Variants in ZNF248 observed in about 807,000 individuals in gnomAD.
ZNF248 encodes KRAB protein domain.
In ZNF248, 20 loss-of-function variants were observed where a neutral mutation model predicts 44.3. The ratio of observed to expected loss-of-function variants is 0.45; its 90% CI spans 0.32 to 0.66. The LOEUF is 0.66. Ranked by LOEUF, ZNF248 falls within the 30% of genes least tolerant of loss-of-function variation. ZNF248 has a pLI of 0.04. For synonymous variants in ZNF248, 224 were observed against 229.0 expected, an observed-to-expected ratio of 0.98 and a Z score of 0.20; for missense variants, 654 against 677.0, an observed-to-expected ratio of 0.97 and a Z score of 0.38.
chr10:37,806,138 T>C (rs2050522913), intron 6 of ZNF248, among the ~76,000 whole-genome samples: 1 of 152,244 alleles, frequency 6.6e-6, no homozygotes, highest in South Asian at 2.1e-4. Flanking sequence ...CTTTCACTTT[T>C]TGGCTTTTGT....
chr10:37,793,411 A>G (rs973445668), intron 6 of ZNF248, among the ~76,000 whole-genome samples: 3 of 152,200 alleles, frequency 2.0e-5, no homozygotes, highest in East Asian at 1.9e-4. Flanking sequence ...ATAACAATAA[A>G]CACAGATTCT....
chr10:37,765,122 T>C, the ZNF248 span, among the ~76,000 whole-genome samples: 4 of 133,890 alleles, frequency 3.0e-5, no homozygotes, highest in Non-Finnish European at 5.3e-5. Flanking sequence ...GCCCAGCTAA[T>C]TTTTTTTTAT....
At chr10:37,834,758 A>G (rs2056746668) in intron 5 of ZNF248, among the ~76,000 whole-genome samples, 1 of 152,230 alleles carries the variant, frequency 6.6e-6, no homozygotes, top group South Asian at 2.1e-4. Flanking sequence ...TTCAATTTCT[A>G]AACACTTTAC....
intron 6 of ZNF248, among the ~76,000 whole-genome samples, chr10:37,823,533 T>C (rs1467855963): frequency 2.0e-5 from 3 of 152,012 alleles, no homozygotes; most frequent in Admixed American, 1.3e-4. Context: ...TTTGTGAAGA[T>C]ACAGACTAAA....
intron 3 of ZNF248, among the ~76,000 whole-genome samples, chr10:37,847,492 A>C (rs1148288): frequency 0.06 from 9,118 of 152,304 alleles, 353 homozygotes; most frequent in Middle Eastern, 0.095. Flanking sequence ...AAATGTCCTT[A>C]TGCTGAAGAA....
Position 37,829,248 on chromosome 10 carries a change from T to C in ZNF248, c.*2367A>G. On this transcript the variant is annotated 3_prime_UTR_variant, in exon 6 of 6. Transcript: ENST00000395867. ...CTTACTGGGCTCTGGTAACACTGTT[T>C]CCCTCCTTGCCCTTCAAGGCTCAGA... 1 of 985,438 alleles carries C rather than the reference T, an allele frequency of 1.0e-6. No homozygotes were observed. Among genetic ancestry groups the C allele is most frequent in the Non-Finnish European group, 1.2e-6 (1 of 829,950 alleles). 61.0% of individuals were successfully genotyped at this position (985,438 alleles called of 1,614,324 possible).
chr10:37,771,765 A>AC (rs1296891775), downstream of ZNF248, among the ~76,000 whole-genome samples: 1 of 151,940 alleles, frequency 6.6e-6, no homozygotes, highest in Non-Finnish European at 1.5e-5. Flanking sequence ...CCTAAAACTT[A>AC]AAGTATAATA....
At chr10:37,794,943 T>C (rs2048975132) in intron 6 of ZNF248, 1 of 153,336 alleles carries the variant, frequency 6.5e-6, no homozygotes, top group Admixed American at 6.5e-5. Flanking sequence ...TGTGATGTTT[T>C]GTGAGATAAG....
At chr10:37,856,386 C>A (rs1171395042) in intron 2 of ZNF248, 49 bp from the exon 3 acceptor site, 5 of 1,605,062 alleles carry the variant, frequency 3.1e-6, no homozygotes, top group Non-Finnish European at 4.2e-6. Context: ...GCCGGCCTTG[C>A]AGTTCGGAGA....
At chr10:37,834,770 A>C (rs780521273) in intron 5 of ZNF248, among the ~76,000 whole-genome samples, 16 of 152,334 alleles carry the variant, frequency 1.1e-4, no homozygotes, top group South Asian at 8.3e-4. Flanking sequence ...ACACTTTACA[A>C]ACACAGTATG....
the ZNF248 span, among the ~76,000 whole-genome samples, chr10:37,759,427 A>C: frequency 6.6e-6 from 1 of 152,198 alleles, no homozygotes; most frequent in Non-Finnish European, 1.5e-5. Context: ...GCTAAGTTAC[A>C]TCTGCTTATG....
intron 6 of ZNF248, chr10:37,821,124 T>C (rs1355664689): frequency 7.6e-6 from 4 of 526,288 alleles, no homozygotes; most frequent in African/African-American, 1.9e-5. Flanking sequence ...TCATGGTAAC[T>C]TTTTATATTT....
intron 6 of ZNF248, among the ~76,000 whole-genome samples, chr10:37,809,670 T>C (rs1334348539): frequency 6.6e-6 from 1 of 152,170 alleles, no homozygotes; most frequent in Non-Finnish European, 1.5e-5. Context: ...CCTATAGCTA[T>C]AAATATCCCC....
Position 37,832,827 on chromosome 10 carries a change from A to G in ZNF248, c.528T>C (p.Leu176=). 2.5e-6 allele frequency: 4 copies of G among 1,613,896 alleles called. No individual in the cohort carries two copies. Among genetic ancestry groups the G allele is most frequent in the Non-Finnish European group, 3.4e-6 (4 of 1,179,876 alleles). Residue 176 remains leucine (L), a synonymous_variant, in exon 6 of 6, where the codon CTT becomes CTC. Coordinates refer to ENST00000395867, the MANE Select transcript of ZNF248 (RefSeq NM_021045.3). ...DEFNVCEKLL[L]DIRHEKIPIG... is the part of the protein sequence containing the mutation. Reference sequence around the variant, plus strand: ...TAGGGATTTTCTCATGCCTAATATCAAGGAGCAATTTCTCACATACATTAA... The same window carrying G: ...TAGGGATTTTCTCATGCCTAATATCGAGGAGCAATTTCTCACATACATTAA...
At chr10:37,823,199 T>C (rs998118914) in intron 6 of ZNF248, among the ~76,000 whole-genome samples, 1 of 151,536 alleles carries the variant, frequency 6.6e-6, no homozygotes, top group African/African-American at 2.4e-5. Context: ...CTGGTCATGG[T>C]GGCACGTGCC....
chr10:37,857,808 A>C (rs2061568751), upstream of ZNF248: 1 of 152,422 alleles, frequency 6.6e-6, no homozygotes, highest in African/African-American at 2.4e-5. Flanking sequence ...CAGGGACTGG[A>C]CGCATACGGA....
chr10:37,801,415 G>T (rs868716698), intron 6 of ZNF248, among the ~76,000 whole-genome samples: 1 of 150,872 alleles, frequency 6.6e-6, no homozygotes, highest in African/African-American at 2.4e-5. Flanking sequence ...AGAACTTTAA[G>T]ATTTTAAAAA....
rs935249776 is a variant in ZNF248 at position 37,832,186 on chromosome 10, CAGA to C, written c.1166_1168del (p.Phe389del). On this transcript the variant is annotated inframe_deletion, in exon 6 of 6. Transcript: ENST00000395867. ...ATGTTGAGTGAGGTTTGACTTCTCCCAGAAGGTTTTCCCACATTCACCACATTC... is the reference window on the plus strand; with the variant it reads ...ATGTTGAGTGAGGTTTGACTTCTCCCAGGTTTTCCCACATTCACCACATTC... The C allele has an allele frequency of 2.5e-6, 4 of 1,614,078 alleles. No individual in the cohort carries two copies. Among genetic ancestry groups the C allele is most frequent in the South Asian group, 1.1e-5 (1 of 91,090 alleles).
chr10:37,853,072 T>C (rs1410534098), intron 3 of ZNF248, among the ~76,000 whole-genome samples: 2 of 152,062 alleles, frequency 1.3e-5, no homozygotes, highest in African/African-American at 2.4e-5. Flanking sequence ...CCTCGATCTC[T>C]TGACCTCGTG....
Sources: gnomAD v4.1 joint callset for allele counts (sites outside exome capture counted in the v4.1 genomes callset) on GRCh38, gnomAD v4.1.1 for gene constraint, MANE v1.5 for transcripts, NCBI Gene and HGNC (gene_info 2026-07-23, HGNC 2026-07-21) for gene names.